The following NCOR1 variants were observed in gnomAD, a reference collection of about 807,000 sequenced individuals.
The protein encoded by NCOR1 is protein phosphatase 1, regulatory subunit 109.
Under a neutral mutation model 288.1 loss-of-function variants are expected in NCOR1, and 63 were observed. The observed-to-expected ratio is 0.22, with a 90% CI of 0.18 to 0.27. The LOEUF (loss-of-function observed/expected upper bound fraction) is 0.27, where lower values mean the gene tolerates loss of function less well. Ranked by LOEUF, NCOR1 falls within the 10% of genes least tolerant of loss-of-function variation. NCOR1 has a pLI of 1.00. For synonymous variants in NCOR1, 1,007 were observed against 1,065.9 expected (o/e 0.94, Z 1.08); for missense variants, 2,397 against 3,019.2 (o/e 0.79, Z 4.83).
intron 42 of NCOR1, among the ~76,000 whole-genome samples, chr17:16,043,500 C>T (rs1402678907): frequency 5.3e-5 from 8 of 152,204 alleles, no homozygotes; most frequent in African/African-American, 1.9e-4. Context: ...TTTCATCATA[C>T]AGCTTCAGAG....
At chr17:16,165,253 G>C in intron 4 of NCOR1, 92 bp from the exon 5 acceptor site, 1 of 984,892 alleles carries the variant, frequency 1.0e-6, no homozygotes, top group South Asian at 1.8e-5. Flanking sequence ...AACCACAGCA[G>C]AGCCATGTGT....
At chr17:16,215,066 G>A (rs2092437525) in intron 1 of NCOR1, among the ~76,000 whole-genome samples, 1 of 152,168 alleles carries the variant, frequency 6.6e-6, no homozygotes, top group African/African-American at 2.4e-5. Context: ...GGCTCCGCAC[G>A]CCCCTCCGCA....
chr17:16,034,960 A>C lies in NCOR1; in HGVS notation c.6956-16T>G, dbSNP rs751501930. 9.9e-6 allele frequency: 16 copies of C among 1,612,372 alleles called. No individual in the cohort carries two copies. In the South Asian group the frequency reaches 1.8e-4, roughly 18 times the overall value. On this transcript the variant is annotated splice_polypyrimidine_tract_variant and intron_variant, in intron 44 of 45. Transcript: ENST00000268712. Reference sequence around the variant, plus strand: ...CAAACTCCTCCTGAAAGTGAAATTCAAGTTAAAGTATTAATATATTAAGTT... The same window carrying C: ...CAAACTCCTCCTGAAAGTGAAATTCCAGTTAAAGTATTAATATATTAAGTT...
chr17:16,124,956 T>C (rs1411634999), intron 15 of NCOR1, among the ~76,000 whole-genome samples: 2 of 152,240 alleles, frequency 1.3e-5, no homozygotes, highest in Non-Finnish European at 2.9e-5. Flanking sequence ...CCATCCCTTC[T>C]GAAAAGTAAT....
chr17:16,080,843 C>G, intron 23 of NCOR1, 116 bp from the exon 24 acceptor site: 1 of 959,968 alleles, frequency 1.0e-6, no homozygotes, highest in Non-Finnish European at 1.5e-6. Context: ...AATTATACCC[C>G]TTCTACCCAA....
intron 6 of NCOR1, among the ~76,000 whole-genome samples, chr17:16,154,015 CTTTTTTTTT>C (rs61436082): frequency 4.2e-4 from 46 of 109,680 alleles, no homozygotes; most frequent in Middle Eastern, 7.6e-3. Flanking sequence ...ATGCTATTTC[CTTTTTTTTT>C]TTTTTTTTTT....
At chr17:16,138,954 T>C in intron 12 of NCOR1, 54 bp downstream of exon 12, 1 of 1,322,358 alleles carries the variant, frequency 7.6e-7, no homozygotes, top group Non-Finnish European at 1.0e-6. Flanking sequence ...TGCCAAATAC[T>C]TTTTACTAAC....
intron 1 of NCOR1, among the ~76,000 whole-genome samples, chr17:16,204,705 C>CTTA (rs945210013): frequency 1.3e-5 from 2 of 152,132 alleles, no homozygotes; most frequent in African/African-American, 4.8e-5. Context: ...CATAAATAGA[C>CTTA]TAATAAGAGT....
At chr17:16,206,620 C>T (rs1481093398) in intron 1 of NCOR1, among the ~76,000 whole-genome samples, 3 of 152,054 alleles carry the variant, frequency 2.0e-5, no homozygotes, top group East Asian at 1.9e-4. Flanking sequence ...TCCTGACCTC[C>T]GGTGATCTAC....
chr17:16,122,843 C>T (rs150509404), intron 15 of NCOR1, among the ~76,000 whole-genome samples: 1 of 152,204 alleles, frequency 6.6e-6, no homozygotes, highest in East Asian at 1.9e-4. Flanking sequence ...CACCATGTTG[C>T]CCAGGGTAGT....
chr17:16,111,704 A>C (rs967855407), intron 18 of NCOR1, among the ~76,000 whole-genome samples: 2 of 151,956 alleles, frequency 1.3e-5, no homozygotes, highest in Admixed American at 1.3e-4. Flanking sequence ...CAGAATCTCC[A>C]ATCAACCAGC....
rs1444230223 is a variant in NCOR1, at chr17:16,061,713, AC to A, written c.5568del (p.Arg1856SerfsTer11). The A allele has an allele frequency of 1.2e-6, 2 of 1,614,200 alleles. No individual in the cohort carries two copies. Among genetic ancestry groups the A allele is most frequent in the East Asian group, 4.5e-5 (2 of 44,882 alleles). On this transcript the variant is annotated frameshift_variant, in exon 37 of 46. Transcript: ENST00000268712. LOFTEE classifies it high-confidence loss of function. ...TGCTGCTGTTCACTAACTGCTGCTG[AC>A]CTGCTTCTCAAATTTTCTTCTAACC... ...AARLEENLRS[R>X]SAAVSEQQQL...
At chr17:16,127,525 GTGTATATATCTGCATGTATATATACACA>G (rs1305229350) in intron 14 of NCOR1, among the ~76,000 whole-genome samples, 15 of 140,612 alleles carry the variant, frequency 1.1e-4, no homozygotes, top group African/African-American at 3.6e-4. Flanking sequence ...ATATACACAC[GTGTATATATCTGCATGTATATATACACA>G]TGTGTATATA....
chr17:16,129,821 C>T (rs2075323858), intron 14 of NCOR1, among the ~76,000 whole-genome samples: 1 of 152,166 alleles, frequency 6.6e-6, no homozygotes, highest in African/African-American at 2.4e-5. Flanking sequence ...TTCAGTATCC[C>T]CTTAGAGTTG....
chr17:16,148,322 C>T (rs1354340889), intron 9 of NCOR1, among the ~76,000 whole-genome samples: 1 of 152,124 alleles, frequency 6.6e-6, no homozygotes, highest in Non-Finnish European at 1.5e-5. Context: ...CCTGAAATGT[C>T]CCCTCATAAT....
intron 1 of NCOR1, among the ~76,000 whole-genome samples, chr17:16,200,451 C>T (rs1971676): frequency 0.017 from 2,157 of 128,416 alleles, 25 homozygotes; most frequent in Admixed American, 0.037. Context: ...GAGCTGGCAT[C>T]GTGCCACTGC....
At position 16,128,061 on chromosome 17, in the gene NCOR1, G is replaced by A. The variant is rs1015142413; in HGVS notation, c.1510-1855C>T. On this transcript the variant is annotated intron_variant, in intron 14 of 45. Transcript: ENST00000268712. ...TCCCGAATGCTGGGATTACATGCAC[G>A]AGCCATTGTGACTGGCCTGCATTTT... Among the ~76,000 whole-genome samples, 14 of 151,986 alleles carry A rather than the reference G, an allele frequency of 9.2e-5. No individual in the cohort carries two copies. The South Asian group carries it at 1.0e-3, about 11-fold the overall frequency.
intron 18 of NCOR1, among the ~76,000 whole-genome samples, chr17:16,111,302 C>A (rs2070104075): frequency 6.6e-6 from 1 of 152,164 alleles, no homozygotes; most frequent in Non-Finnish European, 1.5e-5. Flanking sequence ...GAAACACAGG[C>A]CAGGCGCAGT....
intron 15 of NCOR1, among the ~76,000 whole-genome samples, chr17:16,125,712 A>AC (rs2073914009): frequency 6.6e-6 from 1 of 151,820 alleles, no homozygotes; most frequent in Non-Finnish European, 1.5e-5. Flanking sequence ...AAAAAAAAAA[A>AC]AAAAAAAAAA....
Sources: gnomAD v4.1 joint callset for allele counts (sites outside exome capture counted in the v4.1 genomes callset) on GRCh38, gnomAD v4.1.1 for gene constraint, MANE v1.5 for transcripts, NCBI Gene and HGNC (gene_info 2026-07-23, HGNC 2026-07-21) for gene names.